CABYR: variants seen among roughly 807,000 people sequenced by gnomAD.
CABYR encodes calcium-binding tyrosine phosphorylation-regulated protein.
Under a neutral mutation model 36.1 loss-of-function variants are expected in CABYR, and 31 were observed. That is an observed-to-expected ratio of 0.86 (90% confidence interval 0.64 to 1.16). The LOEUF is 1.16. Among genes scored for constraint, CABYR ranks in the 50% most tolerant of loss-of-function variants. The pLI is 0.00. For synonymous variants in CABYR, 146 were observed against 160.7 expected, an observed-to-expected ratio of 0.91 and a Z score of 0.69; for missense variants, 429 against 455.8, an observed-to-expected ratio of 0.94 and a Z score of 0.53.
In CABYR at chr18:24,159,584, G is replaced by A; in HGVS notation, c.654G>A (p.Gly218=). ...QGHPSPPPAP[G]PFPQATLYLP... is the part of the protein sequence containing the mutation. The stretch of plus-strand genomic sequence containing the variant: ...ACCCATCACCGCCACCTGCACCTGG[G>A]CCTTTTCCCCAAGCAACCCTCTATT... The change falls in exon 5 of 6, where the codon GGG becomes GGA. Residue 218 remains glycine, a synonymous_variant. Transcript: ENST00000399496. 1 of 1,613,840 alleles carries A rather than the reference G, an allele frequency of 6.2e-7. No individual in the cohort carries two copies. Among genetic ancestry groups the A allele is most frequent in the Non-Finnish European group, 8.5e-7 (1 of 1,179,968 alleles).
At chr18:24,155,635 A>G (rs2085760242) in intron 3 of CABYR, 66 bp from the exon 4 acceptor site, 1 of 1,249,248 alleles carries the variant, frequency 8.0e-7, no homozygotes, top group Non-Finnish European at 1.1e-6. Flanking sequence ...TGCCTTCTTT[A>G]AAAATCTTTT....
chr18:24,159,394 GACTT>G, intron 4 of CABYR, 74 bp from the exon 5 acceptor site: 3 of 953,024 alleles, frequency 3.1e-6, no homozygotes, highest in Non-Finnish European at 4.9e-6. Context: ...ATGTAAAAGA[GACTT>G]ACAAAGACAT....
chr18:24,151,215 C>T (rs1157449968), intron 3 of CABYR, among the ~76,000 whole-genome samples: 3 of 152,110 alleles, frequency 2.0e-5, no homozygotes, highest in Non-Finnish European at 4.4e-5. Context: ...CTTTATCTTA[C>T]TGGTTTCATG....
intron 1 of CABYR, among the ~76,000 whole-genome samples, chr18:24,141,277 G>A (rs1810619357): frequency 6.6e-6 from 1 of 152,162 alleles, no homozygotes; most frequent in South Asian, 2.1e-4. Flanking sequence ...TGAGATATTC[G>A]TTACTTTATA....
chr18:24,149,576 C>A (rs1194950158), intron 3 of CABYR, among the ~76,000 whole-genome samples: 5 of 152,208 alleles, frequency 3.3e-5, no homozygotes, highest in African/African-American at 4.8e-5. Flanking sequence ...CTTGGGTGGT[C>A]GATGGGACTG....
chr18:24,143,347 T>G lies in CABYR; in HGVS notation c.146-13T>G, dbSNP rs376839136. ...ATGTATCTGTATTTGATTTCCTGTA[T>G]TGATTCCTTCAGGGAATACTACTAT... On this transcript the variant is annotated splice_polypyrimidine_tract_variant and intron_variant, in intron 2 of 5. Transcript: ENST00000399496. 6.3e-6 allele frequency: 10 copies of G among 1,594,878 alleles called. No individual in the cohort carries two copies. The highest frequency in any genetic ancestry group is 8.6e-6 in the Non-Finnish European group (10 of 1,167,852).
intron 5 of CABYR, chr18:24,160,286 G>A (rs1037846387): frequency 1.9e-6 from 1 of 527,436 alleles, no homozygotes; most frequent in Middle Eastern, 5.0e-4. Context: ...TCATGCCAAG[G>A]ATTTGATGCC....
chr18:24,158,476 G>A (rs187446248), intron 4 of CABYR, among the ~76,000 whole-genome samples: 71 of 152,052 alleles, frequency 4.7e-4, no homozygotes, highest in African/African-American at 1.6e-3. Flanking sequence ...GCGCCACCAT[G>A]CCCGGCTAAT....
intron 3 of CABYR, 107 bp downstream of exon 3, chr18:24,143,520 T>G: frequency 2.1e-6 from 1 of 481,184 alleles, no homozygotes; most frequent in Non-Finnish European, 3.5e-6. Flanking sequence ...TTATTTTATG[T>G]TTAATCACAT....
chr18:24,156,787 A>G, intron 4 of CABYR: 1 of 1,614,144 alleles, frequency 6.2e-7, no homozygotes, highest in South Asian at 1.1e-5. Context: ...ATAGTCTCTG[A>G]CAATACTGGG....
intron 5 of CABYR, among the ~76,000 whole-genome samples, chr18:24,160,420 G>A (rs2085926916): frequency 6.6e-6 from 1 of 152,214 alleles, no homozygotes; most frequent in Non-Finnish European, 1.5e-5. Context: ...GCATGTTTAG[G>A]GAGTAGGGAG....
chr18:24,155,437 T>C (rs2085753666), intron 3 of CABYR, among the ~76,000 whole-genome samples: 1 of 152,206 alleles, frequency 6.6e-6, no homozygotes, highest in African/African-American at 2.4e-5. Context: ...TGAAAACTCT[T>C]TTAATTTGTG....
intron 3 of CABYR, among the ~76,000 whole-genome samples, chr18:24,143,910 T>C (rs79285917): frequency 4.6e-5 from 7 of 151,554 alleles, no homozygotes; most frequent in Admixed American, 4.6e-4. Context: ...TTTTTTTTTT[T>C]CCTTTGCAAT....
rs76852285 is a variant in CABYR, at chr18:24,161,308, T to G, written c.*-208T>G. ...TAGGGCTACATGTACTTCTTCAACCTCTTTATGGACTTCTGGTGGAATTGC... is the reference window on the plus strand; with the variant it reads ...TAGGGCTACATGTACTTCTTCAACCGCTTTATGGACTTCTGGTGGAATTGC... On this transcript the variant is annotated intron_variant, in intron 5 of 5. Transcript: ENST00000399496. 2.6e-4 allele frequency among the ~76,000 whole-genome samples: 40 copies of G among 152,354 alleles called. No individual in the cohort carries two copies. In the East Asian group the frequency reaches 7.7e-3, roughly 29 times the overall value.
In CABYR at chr18:24,159,686, CAAG is replaced by C. The variant is rs2085895410; in HGVS notation, c.761_763del (p.Lys254del). ...TTCCAACTTATGTGATGGGCGACAC[CAAG>C]AAGACCAGTGCCCCACCTTTTATCT... On this transcript the variant is annotated inframe_deletion, in exon 5 of 6. Coordinates refer to ENST00000399496, the MANE Select transcript of CABYR (RefSeq NM_153769.3). The C allele has an allele frequency of 2.5e-6, 4 of 1,614,028 alleles. No homozygotes were observed. Among genetic ancestry groups the C allele is most frequent in the Non-Finnish European group, 2.5e-6 (3 of 1,180,016 alleles).
At chr18:24,152,064 T>C (rs1319674847) in intron 3 of CABYR, among the ~76,000 whole-genome samples, 1 of 152,178 alleles carries the variant, frequency 6.6e-6, no homozygotes, top group East Asian at 1.9e-4. Context: ...AAAAAGTCCA[T>C]AAGTATATAA....
At chr18:24,147,249 T>A in intron 3 of CABYR, among the ~76,000 whole-genome samples, 1 of 65,548 alleles carries the variant, frequency 1.5e-5, no homozygotes, top group Non-Finnish European at 2.6e-5. Context: ...CAAAACCATG[T>A]CTCAAAAAAA....
chr18:24,147,456 T>A (rs1403156449), intron 3 of CABYR, among the ~76,000 whole-genome samples: 2 of 152,122 alleles, frequency 1.3e-5, no homozygotes, highest in African/African-American at 4.8e-5. Context: ...CTTTGTACTG[T>A]AGGTTCTAAT....
At chr18:24,147,200 C>A (rs1327520130) in intron 3 of CABYR, among the ~76,000 whole-genome samples, 1 of 136,512 alleles carries the variant, frequency 7.3e-6, no homozygotes, top group African/African-American at 2.8e-5. Flanking sequence ...GAGGCTGAAG[C>A]TGTGATCACA....
Sources: allele counts gnomAD v4.1 joint callset (sites outside exome capture counted in the v4.1 genomes callset), GRCh38; gene constraint gnomAD v4.1.1; transcripts MANE v1.5; gene names NCBI Gene and HGNC (gene_info 2026-07-23, HGNC 2026-07-21).